RFC3: variants seen among roughly 807,000 people sequenced by gnomAD.
The protein encoded by RFC3 is replication factor C subunit 3, also known as A1 38 kDa subunit.
A neutral mutation model predicts 45.1 loss-of-function variants in RFC3; 41 were observed. The observed-to-expected ratio is 0.91, with a 90% CI of 0.71 to 1.18. The LOEUF (loss-of-function observed/expected upper bound fraction) is 1.18. RFC3 is among the 50% of genes most tolerant of loss of function. RFC3 has a pLI of 0.00. For synonymous variants in RFC3, 149 were observed against 144.0 expected (o/e 1.03, Z -0.25); for missense variants, 423 against 428.1 (o/e 0.99, Z 0.10).
chr13:33,842,967 G>A (rs2082210360), intron 8 of RFC3, among the ~76,000 whole-genome samples: 1 of 152,080 alleles, frequency 6.6e-6, no homozygotes, highest in Non-Finnish European at 1.5e-5. Flanking sequence ...ACAGAAACTT[G>A]TAGTTTTAAG....
intron 2 of RFC3, among the ~76,000 whole-genome samples, chr13:33,821,602 A>AT (rs1443026398): frequency 6.6e-6 from 1 of 152,138 alleles, no homozygotes; most frequent in Non-Finnish European, 1.5e-5. Context: ...AGTAGTGGGG[A>AT]TGGAAAGAAA....
At chr13:33,894,069 A>T (rs1016576643) in intron 8 of RFC3, among the ~76,000 whole-genome samples, 1 of 152,216 alleles carries the variant, frequency 6.6e-6, no homozygotes, top group Admixed American at 6.5e-5. Flanking sequence ...AAAAGTGTGT[A>T]GAAATTCACA....
chr13:33,829,938 G>A lies in RFC3; in HGVS notation c.494G>A (p.Cys165Tyr). The change falls in exon 5 of 9, where the codon TGC becomes TAC. Residue 165 changes from cysteine (C) to tyrosine (Y), a missense_variant. Coordinates refer to ENST00000380071, the MANE Select transcript of RFC3 (RefSeq NM_002915.4). ...TCTACCTGCAGATTGATCTTGTGCT[G>A]CAATTCTACATCTAAAGTGATCCCA... ...YMSTCRLILC[C>Y]NSTSKVIPPI... The A allele has an allele frequency of 6.2e-7, 1 of 1,614,096 alleles. No homozygotes were observed. The highest frequency in any genetic ancestry group is 8.5e-7 in the Non-Finnish European group (1 of 1,179,944).
chr13:33,976,455 A>C, the RFC3 span, among the ~76,000 whole-genome samples: 1 of 152,110 alleles, frequency 6.6e-6, no homozygotes. Context: ...GTTGGTTAAG[A>C]GGTACAAAAA....
chr13:33,885,290 C>T (rs926098555), intron 8 of RFC3, among the ~76,000 whole-genome samples: 1 of 151,502 alleles, frequency 6.6e-6, no homozygotes, highest in Non-Finnish European at 1.5e-5. Flanking sequence ...AGGAAAAAAA[C>T]TTGATCTAAT....
the RFC3 span, among the ~76,000 whole-genome samples, chr13:33,974,511 G>A: frequency 6.6e-6 from 1 of 152,010 alleles, no homozygotes; most frequent in Non-Finnish European, 1.5e-5. Flanking sequence ...CTTTATTTTT[G>A]TCATGAATTA....
intron 8 of RFC3, among the ~76,000 whole-genome samples, chr13:33,949,679 T>A (rs1593713423): frequency 1.3e-5 from 2 of 152,100 alleles, no homozygotes; most frequent in East Asian, 3.9e-4. Flanking sequence ...GCCCAAATAT[T>A]TGGTCAAATA....
intron 8 of RFC3, among the ~76,000 whole-genome samples, chr13:33,941,911 T>G (rs1194666591): frequency 6.6e-6 from 1 of 152,170 alleles, no homozygotes; most frequent in Non-Finnish European, 1.5e-5. Context: ...CATACATAAC[T>G]TATGTTGTTT....
At chr13:33,882,561 G>A (rs2082492150) in intron 8 of RFC3, among the ~76,000 whole-genome samples, 1 of 152,190 alleles carries the variant, frequency 6.6e-6, no homozygotes, top group South Asian at 2.1e-4. Flanking sequence ...CTGTCTCTAT[G>A]CCTGCCGTGT....
chr13:33,873,799 G>T (rs1217880061), intron 8 of RFC3, among the ~76,000 whole-genome samples: 1 of 152,182 alleles, frequency 6.6e-6, no homozygotes, highest in African/African-American at 2.4e-5. Flanking sequence ...CACAGGAAAT[G>T]CTCCGGTAAC....
chr13:33,912,310 C>T (rs1273360445), intron 8 of RFC3, among the ~76,000 whole-genome samples: 1 of 149,894 alleles, frequency 6.7e-6, no homozygotes, highest in Non-Finnish European at 1.5e-5. Context: ...AACTGCCCCA[C>T]CCCACAGTGA....
At chr13:33,818,377 T>G (rs955769657) in intron 1 of RFC3, 112 bp downstream of exon 1, 19 of 779,684 alleles carry the variant, frequency 2.4e-5, no homozygotes, top group Non-Finnish European at 3.3e-5. Context: ...TGATAAGTGC[T>G]ATGGAGAAAA....
chr13:33,821,218 A>G lies in RFC3; in HGVS notation c.174A>G (p.Glu58=). The change falls in exon 2 of 9, where the codon GAA becomes GAG. Residue 58 remains glutamate (E), a synonymous_variant. Transcript: ENST00000380071. ...KKTRIMCILR[E]LYGVGVEKLR... is the part of the protein sequence containing the mutation. ...CAAGAATTATGTGTATTCTACGTGAACTTTATGGTGTTGGAGTGGAAAAAT... is the reference window on the plus strand; with the variant it reads ...CAAGAATTATGTGTATTCTACGTGAGCTTTATGGTGTTGGAGTGGAAAAAT... 6.2e-7 allele frequency: 1 copy of G among 1,613,838 alleles called. No individual in the cohort carries two copies. The highest frequency in any genetic ancestry group is 8.5e-7 in the Non-Finnish European group (1 of 1,179,800).
chr13:33,954,739 G>A (rs1414616513), intron 8 of RFC3, among the ~76,000 whole-genome samples: 1 of 152,126 alleles, frequency 6.6e-6, no homozygotes, highest in Non-Finnish European at 1.5e-5. Flanking sequence ...GCAAGCTCAG[G>A]TCTCTGAATT....
At chr13:33,930,921 A>C (rs755991584) in intron 8 of RFC3, among the ~76,000 whole-genome samples, 3 of 152,004 alleles carry the variant, frequency 2.0e-5, no homozygotes, top group African/African-American at 7.2e-5. Flanking sequence ...GGTATAATCT[A>C]TCATTTCTTA....
At chr13:33,939,610 GT>G (rs2082910987) in intron 8 of RFC3, among the ~76,000 whole-genome samples, 1 of 152,170 alleles carries the variant, frequency 6.6e-6, no homozygotes, top group Admixed American at 6.5e-5. Flanking sequence ...CTCTAGCAAA[GT>G]ATTAAACCCG....
chr13:33,957,004 T>C (rs1189895693), intron 8 of RFC3, among the ~76,000 whole-genome samples: 2 of 152,202 alleles, frequency 1.3e-5, no homozygotes, highest in African/African-American at 4.8e-5. Context: ...ATCTACCTAC[T>C]ATCTATTATC....
intron 8 of RFC3, among the ~76,000 whole-genome samples, chr13:33,877,560 A>G (rs962658836): frequency 7.2e-5 from 11 of 152,282 alleles, no homozygotes; most frequent in African/African-American, 9.6e-5. Context: ...GTTTGTCATT[A>G]TAAAGCCAGC....
At chr13:33,940,177 AT>A (rs2082914234) in intron 8 of RFC3, among the ~76,000 whole-genome samples, 1 of 152,124 alleles carries the variant, frequency 6.6e-6, no homozygotes, top group Admixed American at 6.5e-5. Context: ...TTCTTACATC[AT>A]TAATTTTGAA....
Sources: allele counts gnomAD v4.1 joint callset (sites outside exome capture counted in the v4.1 genomes callset), GRCh38; gene constraint gnomAD v4.1.1; transcripts MANE v1.5; gene names NCBI Gene and HGNC (gene_info 2026-07-23, HGNC 2026-07-21).